ALK: variants seen among roughly 807,000 people sequenced by gnomAD.
The protein encoded by ALK is ALK tyrosine kinase receptor.
Under a neutral mutation model 163.1 loss-of-function variants are expected in ALK, and 74 were observed. The observed-to-expected ratio is 0.45, with a 90% CI of 0.38 to 0.55. The LOEUF is 0.55. ALK is among the 20% of genes least tolerant of loss of function. The pLI is 0.00. For missense variants in ALK, 2,063 were observed against 2,105.3 expected (o/e 0.98, Z 0.39); for synonymous variants, 960 against 843.2 (o/e 1.14, Z -2.40).
chr2:29,506,840 C>G (rs1163146410), intron 4 of ALK, among the ~76,000 whole-genome samples: 1 of 152,054 alleles, frequency 6.6e-6, no homozygotes. Flanking sequence ...AATGACCCAG[C>G]TTGTAACTGA....
At chr2:29,231,992 C>A (rs1003533499) in intron 15 of ALK, among the ~76,000 whole-genome samples, 2 of 152,158 alleles carry the variant, frequency 1.3e-5, no homozygotes, top group Middle Eastern at 3.4e-3. Flanking sequence ...GGCCCATCTG[C>A]CCCTGGAGGA....
chr2:29,286,004 C>T (rs1665846974), intron 9 of ALK, among the ~76,000 whole-genome samples: 1 of 152,238 alleles, frequency 6.6e-6, no homozygotes, highest in Non-Finnish European at 1.5e-5. Context: ...AACATTTCTG[C>T]ATCTCCAAGC....
intron 3 of ALK, among the ~76,000 whole-genome samples, chr2:29,631,941 T>C (rs927306982): frequency 2.0e-5 from 3 of 152,248 alleles, no homozygotes; most frequent in African/African-American, 4.8e-5. Context: ...ATCTCACACA[T>C]GTATCATTCG....
chr2:29,383,972 A>T, intron 4 of ALK, 113 bp from the exon 5 acceptor site: 1 of 1,342,046 alleles, frequency 7.5e-7, no homozygotes, highest in Non-Finnish European at 1.1e-6. Flanking sequence ...CACATTCTTC[A>T]TGGGCACCAA....
At chr2:29,637,351 C>A (rs573640226) in intron 3 of ALK, among the ~76,000 whole-genome samples, 1 of 152,034 alleles carries the variant, frequency 6.6e-6, no homozygotes, top group Non-Finnish European at 1.5e-5. Context: ...TTATGCCTTA[C>A]GACTCCATTT....
intron 8 of ALK, among the ~76,000 whole-genome samples, chr2:29,309,810 C>T (rs1387086951): frequency 6.6e-6 from 1 of 152,104 alleles, no homozygotes; most frequent in Admixed American, 6.5e-5. Flanking sequence ...CCTGCTGGTG[C>T]TAATGTGGAC....
intron 3 of ALK, among the ~76,000 whole-genome samples, chr2:29,694,126 A>G (rs1452705164): frequency 6.6e-6 from 1 of 152,192 alleles, no homozygotes; most frequent in Non-Finnish European, 1.5e-5. Flanking sequence ...ATAAAACTAG[A>G]CTAGAGCTTA....
intron 1 of ALK, among the ~76,000 whole-genome samples, chr2:29,876,026 C>A (rs972001052): frequency 6.6e-6 from 1 of 152,160 alleles, no homozygotes; most frequent in Non-Finnish European, 1.5e-5. Flanking sequence ...CTGCTTCATC[C>A]TCACTCTGGA....
intron 3 of ALK, among the ~76,000 whole-genome samples, chr2:29,581,125 C>G (rs1040910579): frequency 6.6e-6 from 1 of 152,228 alleles, no homozygotes; most frequent in African/African-American, 2.4e-5. Context: ...CATGGTGGCT[C>G]ATGCCTATAA....
chr2:29,417,848 A>G (rs903396731), intron 4 of ALK, among the ~76,000 whole-genome samples: 9 of 152,222 alleles, frequency 5.9e-5, no homozygotes, highest in Non-Finnish European at 1.3e-4. Flanking sequence ...CAAGTACTGT[A>G]TTGTAGCATA....
intron 5 of ALK, among the ~76,000 whole-genome samples, chr2:29,337,060 G>A (rs551107034): frequency 6.6e-6 from 1 of 152,308 alleles, no homozygotes; most frequent in South Asian, 2.1e-4. Context: ...CTCAAGACAT[G>A]AAAATGGATG....
chr2:29,295,543 C>T (rs1380958581), intron 9 of ALK, among the ~76,000 whole-genome samples: 1 of 152,188 alleles, frequency 6.6e-6, no homozygotes, highest in East Asian at 1.9e-4. Flanking sequence ...TGTCCTTGGG[C>T]TTTGATCGTT....
At chr2:29,759,303 C>T (rs1012267415) in intron 1 of ALK, among the ~76,000 whole-genome samples, 5 of 152,146 alleles carry the variant, frequency 3.3e-5, no homozygotes, top group Admixed American at 6.5e-5. Flanking sequence ...TGTATGTTGG[C>T]TTGTATACAG....
intron 3 of ALK, among the ~76,000 whole-genome samples, chr2:29,610,963 T>C (rs769221894): frequency 2.6e-5 from 4 of 152,162 alleles, no homozygotes; most frequent in African/African-American, 9.7e-5. Context: ...GGATCATTAA[T>C]TGATTCTCCC....
chr2:29,497,143 G>A (rs1369711272), intron 4 of ALK, among the ~76,000 whole-genome samples: 3 of 152,040 alleles, frequency 2.0e-5, no homozygotes, highest in Admixed American at 6.5e-5. Flanking sequence ...ATGGTGGTGG[G>A]CGCCTGTAAT....
chr2:29,727,212 G>T (rs1679599838), intron 1 of ALK, among the ~76,000 whole-genome samples: 1 of 152,170 alleles, frequency 6.6e-6, no homozygotes, highest in African/African-American at 2.4e-5. Context: ...CTTGAAATTG[G>T]TCCTTGGCTT....
chr2:29,919,791 G>T (rs1667936320), intron 1 of ALK, among the ~76,000 whole-genome samples: 1 of 152,192 alleles, frequency 6.6e-6, no homozygotes, highest in African/African-American at 2.4e-5. Flanking sequence ...TGCTAAAGAG[G>T]AAGGAAGACC....
At chr2:29,480,151 A>G (rs991261460) in intron 4 of ALK, among the ~76,000 whole-genome samples, 1 of 152,246 alleles carries the variant, frequency 6.6e-6, no homozygotes, top group African/African-American at 2.4e-5. Flanking sequence ...AAACAGGAAT[A>G]TGCATTGACT....
At chr2:29,220,976 C>G (rs2148167089) in intron 22 of ALK, 141 bp from the exon 23 acceptor site, 1 of 1,230,494 alleles carries the variant, frequency 8.1e-7, no homozygotes, top group Non-Finnish European at 1.2e-6. Flanking sequence ...CAGCAGGGGT[C>G]CCGGGCTGAG....
Sources: gnomAD v4.1 joint callset for allele counts (sites outside exome capture counted in the v4.1 genomes callset) on GRCh38, gnomAD v4.1.1 for gene constraint, MANE v1.5 for transcripts, NCBI Gene and HGNC (gene_info 2026-07-23, HGNC 2026-07-21) for gene names.